Variants in TAOK3 observed in about 807,000 individuals in gnomAD.
TAOK3 encodes serine/threonine-protein kinase TAO3.
TAOK3 carries 40 observed loss-of-function variants against 120.4 expected under a neutral mutation model. That is an observed-to-expected ratio of 0.33 (90% CI 0.26 to 0.43). The LOEUF is 0.43. Ranked by LOEUF, TAOK3 falls within the 20% of genes least tolerant of loss-of-function variation. The pLI is 1.00. For synonymous variants in TAOK3, 355 were observed against 387.5 expected, an observed-to-expected ratio of 0.92 and a Z score of 0.99; for missense variants, 821 against 1,112.1, an observed-to-expected ratio of 0.74 and a Z score of 3.72.
At chr12:118,182,623 A>ATATATATATT (rs371125415) in intron 14 of TAOK3, among the ~76,000 whole-genome samples, 1 of 92,416 alleles carries the variant, frequency 1.1e-5, no homozygotes, top group African/African-American at 4.9e-5. Flanking sequence ...ATATATATAT[A>ATATATATATT]TTTTTTTTTT....
intron 11 of TAOK3, among the ~76,000 whole-genome samples, chr12:118,204,655 A>C (rs1290086350): frequency 7.9e-5 from 12 of 152,244 alleles, no homozygotes; most frequent in Admixed American, 7.8e-4. Context: ...TACAATTATA[A>C]AGAGCTAATC....
intron 1 of TAOK3, among the ~76,000 whole-genome samples, chr12:118,308,547 T>C (rs1335126027): frequency 1.3e-5 from 2 of 152,170 alleles, no homozygotes; most frequent in African/African-American, 4.8e-5. Flanking sequence ...ACTCCTAGGA[T>C]AGCAGCATGT....
intron 3 of TAOK3, among the ~76,000 whole-genome samples, chr12:118,249,976 G>C (rs1411320780): frequency 6.6e-6 from 1 of 152,164 alleles, no homozygotes; most frequent in Admixed American, 6.5e-5. Flanking sequence ...AATATACTGA[G>C]TTCAACAAAG....
intron 16 of TAOK3, among the ~76,000 whole-genome samples, chr12:118,173,058 T>C (rs1443339455): frequency 1.3e-5 from 2 of 152,234 alleles, no homozygotes; most frequent in East Asian, 3.8e-4. Context: ...TAAAAATTAC[T>C]GTGATCACTG....
In TAOK3 at chr12:118,212,970, C is replaced by G; in HGVS notation, c.763G>C (p.Asp255His). 1.2e-6 allele frequency: 2 copies of G among 1,612,658 alleles called. No individual in the cohort carries two copies. Among genetic ancestry groups the G allele is most frequent in the Non-Finnish European group, 1.7e-6 (2 of 1,179,524 alleles). Residue 255 changes from aspartate to histidine, a missense_variant, in exon 11 of 21, where the codon GAT becomes CAT. Around this residue, in one of 2 missense-constraint regions of TAOK3, gnomAD observed 467 missense variants for 540.0 expected, o/e 0.86. Coordinates refer to ENST00000392533, the MANE Select transcript of TAOK3 (RefSeq NM_016281.4). ...EWTDSFRRFV[D>H]YCLQKIPQER... The stretch of plus-strand genomic sequence containing the variant: ...TGAGGTATTTTCTGCAAGCAGTAAT[C>G]AACAAATCTCCTAAAGGAGTCTGTC...
intron 1 of TAOK3, chr12:118,359,785 A>C (rs2045528788): frequency 6.6e-6 from 1 of 152,156 alleles, no homozygotes; most frequent in Non-Finnish European, 1.5e-5. Flanking sequence ...CTTTTGTAAG[A>C]GATCCACTAA....
chr12:118,251,825 CTTT>C (rs761219744), intron 3 of TAOK3, among the ~76,000 whole-genome samples: 4 of 142,224 alleles, frequency 2.8e-5, no homozygotes, highest in Admixed American at 7.0e-5. Context: ...GGTTTGGCTG[CTTT>C]TTTTTTTTTT....
chr12:118,152,890 T>C (rs1272888740), intron 19 of TAOK3: 1 of 153,686 alleles, frequency 6.5e-6, no homozygotes, highest in Non-Finnish European at 1.4e-5. Flanking sequence ...TTTCAATAAA[T>C]AGTAGTGGTT....
intron 3 of TAOK3, chr12:118,246,962 A>G (rs542070878): frequency 5.2e-5 from 58 of 1,110,072 alleles, no homozygotes; most frequent in Non-Finnish European, 7.2e-5. Context: ...TGGCTACAAC[A>G]TAGGGTTTTT....
chr12:118,199,236 G>A lies in TAOK3; in HGVS notation c.1009C>T (p.Leu337=). ...CCCAGGCTGTCCATTTCCCTGTTCA[G>A]GCTGGTTCCATGTTCACTGTCCTGT... ...DEEDSEHGTS[L]NREMDSLGSN... is the part of the protein sequence containing the mutation. The change falls in exon 13 of 21, where the codon CTG becomes TTG. Residue 337 remains leucine, a synonymous_variant. Coordinates refer to ENST00000392533, the MANE Select transcript of TAOK3 (RefSeq NM_016281.4). 1 of 1,614,048 alleles carries A rather than the reference G, an allele frequency of 6.2e-7. No homozygotes were observed. Among genetic ancestry groups the A allele is most frequent in the Non-Finnish European group, 8.5e-7 (1 of 1,180,002 alleles).
intron 1 of TAOK3, among the ~76,000 whole-genome samples, chr12:118,338,731 G>C (rs61943364): frequency 0.11 from 15,106 of 137,468 alleles, 959 homozygotes; most frequent in Middle Eastern, 0.17. Context: ...AGGTTGCAGT[G>C]AGCCAAGATC....
At chr12:118,300,573 A>G (rs78631253) in intron 1 of TAOK3, among the ~76,000 whole-genome samples, 3,092 of 152,150 alleles carry the variant, frequency 0.02, 106 homozygotes, top group African/African-American at 0.071. Flanking sequence ...TATAGCGCAC[A>G]CACATGCACG....
intron 2 of TAOK3, among the ~76,000 whole-genome samples, chr12:118,265,011 G>A (rs2041382745): frequency 1.3e-5 from 2 of 151,942 alleles, no homozygotes; most frequent in East Asian, 3.9e-4. Context: ...TCTGGCCTGG[G>A]CAACAGAGCG....
At chr12:118,212,160 C>T (rs1009718186) in intron 11 of TAOK3, among the ~76,000 whole-genome samples, 2 of 152,062 alleles carry the variant, frequency 1.3e-5, no homozygotes, top group Non-Finnish European at 2.9e-5. Context: ...TTCTTAAAAA[C>T]GAACAAACAG....
intron 11 of TAOK3, among the ~76,000 whole-genome samples, chr12:118,204,667 G>A (rs905350784): frequency 6.6e-6 from 1 of 152,214 alleles, no homozygotes; most frequent in Non-Finnish European, 1.5e-5. Flanking sequence ...GAGCTAATCG[G>A]TTTTTAGTAA....
At chr12:118,331,225 G>A (rs2044132791) in intron 1 of TAOK3, among the ~76,000 whole-genome samples, 1 of 152,170 alleles carries the variant, frequency 6.6e-6, no homozygotes. Context: ...ATGAATGTAA[G>A]AGGCATACAG....
At chr12:118,353,873 T>C (rs1252993774) in intron 1 of TAOK3, among the ~76,000 whole-genome samples, 1 of 152,242 alleles carries the variant, frequency 6.6e-6, no homozygotes, top group African/African-American at 2.4e-5. Context: ...ACATTTTTTT[T>C]TTCAAGTATC....
intron 14 of TAOK3, among the ~76,000 whole-genome samples, chr12:118,182,958 T>G (rs534978467): frequency 6.6e-6 from 1 of 152,266 alleles, no homozygotes; most frequent in East Asian, 1.9e-4. Context: ...TATTAAATCT[T>G]TTGTGATTTT....
intron 1 of TAOK3, among the ~76,000 whole-genome samples, chr12:118,301,281 G>C (rs2042871482): frequency 6.6e-6 from 1 of 152,154 alleles, no homozygotes; most frequent in Admixed American, 6.5e-5. Context: ...AAGCTGCAAA[G>C]AGGTGGAAAC....
Sources: allele counts gnomAD v4.1 joint callset (sites outside exome capture counted in the v4.1 genomes callset), GRCh38; gene constraint gnomAD v4.1.1; regional missense constraint gnomAD v4.1.1; transcripts MANE v1.5; gene names NCBI Gene and HGNC (gene_info 2026-07-23, HGNC 2026-07-21).